The following MTUS2 variants were observed in gnomAD, a reference collection of about 807,000 sequenced individuals.
The protein encoded by MTUS2 is microtubule associated scaffold protein 2.
In MTUS2, 40 loss-of-function variants were observed where a neutral mutation model predicts 114.1. The observed-to-expected ratio is 0.35, with a 90% CI of 0.27 to 0.46. The LOEUF is 0.46. MTUS2 is among the 20% of genes least tolerant of loss of function. The pLI is 1.00. For missense variants in MTUS2, 1,679 were observed against 1,705.4 expected (o/e 0.98, Z 0.27); for synonymous variants, 688 against 672.0 (o/e 1.02, Z -0.37).
intron 2 of MTUS2, among the ~76,000 whole-genome samples, chr13:28,841,907 G>A (rs1006399292): frequency 6.6e-6 from 1 of 152,122 alleles, no homozygotes. Context: ...GGATGGCCTC[G>A]ATCTCTTGAC....
intron 6 of MTUS2, chr13:29,307,495 T>C: frequency 7.9e-7 from 1 of 1,267,436 alleles, no homozygotes; most frequent in South Asian, 1.2e-5. Flanking sequence ...CACTGCCAAC[T>C]TGTCAGTTGT....
chr13:29,487,863 GCT>G (rs775782483), intron 10 of MTUS2, 35 bp from the exon 11 acceptor site: 2 of 1,502,856 alleles, frequency 1.3e-6, no homozygotes, highest in Non-Finnish European at 1.9e-6. Flanking sequence ...TCTCCAAGCA[GCT>G]CTCTGTCTAA....
Position 29,504,315 on chromosome 13 carries a change from C to A in MTUS2, c.*1109C>A, listed in dbSNP as rs760587855. ...CCTCAGGCCCCCATTTCCTAGCAGC[C>A]CCCCTTCAGTTTGGTTCTACAACTC... On this transcript the variant is annotated 3_prime_UTR_variant, in exon 16 of 16. Transcript: ENST00000612955. The A allele has an allele frequency of 2.2e-5, 5 of 232,060 alleles. No individual in the cohort carries two copies. Among genetic ancestry groups the A allele is most frequent in the Non-Finnish European group, 4.3e-5 (5 of 117,218 alleles). 14.4% of individuals were successfully genotyped at this position (232,060 alleles called of 1,614,324 possible). A position where few individuals can be genotyped will look rare whatever the true frequency, so the allele number is the denominator to read the frequency against.
At chr13:29,124,977 C>T (rs1056967564) in intron 5 of MTUS2, among the ~76,000 whole-genome samples, 76 of 152,114 alleles carry the variant, frequency 5.0e-4, no homozygotes, top group African/African-American at 1.8e-3. Flanking sequence ...TAGAGTGTCA[C>T]TTTGGGAAGA....
chr13:28,933,603 C>G (rs9550420), intron 2 of MTUS2, among the ~76,000 whole-genome samples: 12,757 of 152,262 alleles, frequency 0.084, 602 homozygotes, highest in South Asian at 0.13. Flanking sequence ...GTTGCCTGCT[C>G]TATGATTGGG....
intron 5 of MTUS2, among the ~76,000 whole-genome samples, chr13:29,122,349 G>C (rs1046531463): frequency 6.6e-6 from 1 of 152,130 alleles, no homozygotes; most frequent in African/African-American, 2.4e-5. Flanking sequence ...ACAGTTCCAC[G>C]TGGCTGGAGA....
At chr13:29,490,158 C>A (rs1397930577) in intron 11 of MTUS2, 2 of 152,154 alleles carry the variant, frequency 1.3e-5, no homozygotes, top group Non-Finnish European at 2.9e-5. Context: ...CAGAGGCAGG[C>A]AGACCGGAAA....
intron 4 of MTUS2, among the ~76,000 whole-genome samples, chr13:29,072,454 T>C (rs955518577): frequency 6.6e-6 from 1 of 152,204 alleles, no homozygotes; most frequent in South Asian, 2.1e-4. Flanking sequence ...CTTTGCAGTA[T>C]TGTAAAATGA....
rs543738666 is a variant in MTUS2, at chr13:29,157,047, C to T, written c.2644+56077C>T. ...TCGTTCAACATTTATAAGATTCATC[C>T]ATGTTCATATACGCAGCTCTTATTC... On this transcript the variant is annotated intron_variant, in intron 5 of 15. Coordinates refer to ENST00000612955, the MANE Select transcript of MTUS2 (RefSeq NM_001033602.4). 2.0e-5 allele frequency among the ~76,000 whole-genome samples: 3 copies of T among 152,264 alleles called. No homozygotes were observed. In the South Asian group the frequency reaches 6.2e-4, roughly 32 times the overall value.
intron 2 of MTUS2, among the ~76,000 whole-genome samples, chr13:28,921,406 G>A (rs1881033506): frequency 6.6e-6 from 1 of 152,178 alleles, no homozygotes; most frequent in Non-Finnish European, 1.5e-5. Flanking sequence ...AAGATGTAAG[G>A]CAAAGTCCTC....
chr13:29,284,520 C>T (rs1335537851), intron 6 of MTUS2, among the ~76,000 whole-genome samples: 1 of 151,872 alleles, frequency 6.6e-6, no homozygotes, highest in Non-Finnish European at 1.5e-5. Context: ...ATTACATAGA[C>T]ATTTTACACA....
At chr13:29,370,853 C>G (rs1484594634) in intron 8 of MTUS2, among the ~76,000 whole-genome samples, 1 of 152,196 alleles carries the variant, frequency 6.6e-6, no homozygotes, top group Non-Finnish European at 1.5e-5. Context: ...ACCATGCTAA[C>G]ACTAATCAAA....
chr13:29,018,053 T>G (rs544530260), intron 2 of MTUS2, among the ~76,000 whole-genome samples: 1 of 152,254 alleles, frequency 6.6e-6, no homozygotes, highest in African/African-American at 2.4e-5. Context: ...CACCTCTACC[T>G]GTTTGGTGGG....
chr13:29,054,215 T>C (rs974763124), intron 4 of MTUS2, among the ~76,000 whole-genome samples: 1 of 152,216 alleles, frequency 6.6e-6, no homozygotes, highest in African/African-American at 2.4e-5. Context: ...ATATCTTCTT[T>C]GGTGAAGTGT....
chr13:28,902,638 C>G (rs1159884559), intron 2 of MTUS2, among the ~76,000 whole-genome samples: 5 of 151,970 alleles, frequency 3.3e-5, no homozygotes, highest in Non-Finnish European at 7.4e-5. Context: ...GATTGATTTT[C>G]AAATGTGGAA....
chr13:29,456,267 C>T (rs1418795586), intron 9 of MTUS2, among the ~76,000 whole-genome samples: 2 of 151,956 alleles, frequency 1.3e-5, no homozygotes, highest in Non-Finnish European at 2.9e-5. Context: ...AGAAAAGAGT[C>T]AGTAAATTGA....
chr13:29,476,925 A>G (rs1880746403), intron 9 of MTUS2: 1 of 152,184 alleles, frequency 6.6e-6, no homozygotes, highest in Non-Finnish European at 1.5e-5. Context: ...CCTCTCAGTG[A>G]GCTTCTTGGT....
intron 4 of MTUS2, among the ~76,000 whole-genome samples, chr13:29,096,282 G>A (rs977710946): frequency 2.6e-5 from 4 of 152,136 alleles, no homozygotes; most frequent in Admixed American, 1.3e-4. Flanking sequence ...TGTCTCTCCC[G>A]GATCTGTGTT....
At chr13:29,300,497 T>C (rs1339662742) in intron 6 of MTUS2, among the ~76,000 whole-genome samples, 2 of 152,210 alleles carry the variant, frequency 1.3e-5, no homozygotes, top group African/African-American at 2.4e-5. Context: ...ATCTGCCTAC[T>C]GTACTATAAA....
Sources: allele counts gnomAD v4.1 joint callset (sites outside exome capture counted in the v4.1 genomes callset), GRCh38; gene constraint gnomAD v4.1.1; transcripts MANE v1.5; gene names NCBI Gene and HGNC (gene_info 2026-07-23, HGNC 2026-07-21).